Variants in ZNF804B observed in about 807,000 individuals in gnomAD.
The protein encoded by ZNF804B is zinc finger 804B.
Under a neutral mutation model 101.4 loss-of-function variants are expected in ZNF804B, and 80 were observed. The ratio of observed to expected loss-of-function variants is 0.79; its 90% confidence interval spans 0.66 to 0.95. ZNF804B has a LOEUF of 0.95. Ranked by LOEUF, ZNF804B falls within the 40% of genes least tolerant of loss-of-function variation. The pLI is 0.00. For synonymous variants in ZNF804B, 622 were observed against 558.8 expected (o/e 1.11, Z -1.59); for missense variants, 1,673 against 1,561.9 (o/e 1.07, Z -1.20).
intron 1 of ZNF804B, among the ~76,000 whole-genome samples, chr7:88,959,250 G>T (rs1319816594): frequency 6.6e-6 from 1 of 151,390 alleles, no homozygotes; most frequent in African/African-American, 2.4e-5. Flanking sequence ...CCTTACAGGT[G>T]AACTTTGTGA....
intron 1 of ZNF804B, among the ~76,000 whole-genome samples, chr7:88,808,029 A>G (rs1790718916): frequency 6.6e-6 from 1 of 152,176 alleles, no homozygotes; most frequent in African/African-American, 2.4e-5. Context: ...AGTGAACCTC[A>G]AATGACACCA....
At chr7:89,285,065 A>G (rs974161191) in intron 2 of ZNF804B, among the ~76,000 whole-genome samples, 1 of 151,994 alleles carries the variant, frequency 6.6e-6, no homozygotes, top group Non-Finnish European at 1.5e-5. Flanking sequence ...TTAAATTTAA[A>G]AAAAATAGCC....
At chr7:88,987,988 T>C (rs1030357715) in intron 1 of ZNF804B, among the ~76,000 whole-genome samples, 3 of 151,890 alleles carry the variant, frequency 2.0e-5, no homozygotes, top group African/African-American at 7.2e-5. Flanking sequence ...TTCCTTTTCT[T>C]CTCAGCCTCT....
At chr7:89,278,912 A>T (rs1790033271) in intron 2 of ZNF804B, among the ~76,000 whole-genome samples, 1 of 152,042 alleles carries the variant, frequency 6.6e-6, no homozygotes, top group South Asian at 2.1e-4. Flanking sequence ...CTTGATGGGG[A>T]TGGCATTGAA....
chr7:89,219,805 C>T (rs985851217), intron 2 of ZNF804B, among the ~76,000 whole-genome samples: 2 of 150,586 alleles, frequency 1.3e-5, no homozygotes, highest in South Asian at 2.1e-4. Context: ...TTTCGTCAGA[C>T]ATCACTAGCA....
In ZNF804B at chr7:89,336,818, C is replaced by G; in HGVS notation, c.3836C>G (p.Ser1279Cys). The G allele has an allele frequency of 6.2e-7, 1 of 1,614,108 alleles. No individual in the cohort carries two copies. The highest frequency in any genetic ancestry group is 8.5e-7 in the Non-Finnish European group (1 of 1,180,008). The change falls in exon 4 of 4, where the codon TCT becomes TGT. Residue 1279 changes from serine to cysteine, a missense_variant. Physicochemically the swap from Ser to Cys is moderately radical, Grantham distance 112 (BLOSUM62 -1). Coordinates refer to ENST00000333190, the MANE Select transcript of ZNF804B (RefSeq NM_181646.5). ...HLVAATPFHPSHITLQPLPPT... is the reference protein window; with the variant it reads ...HLVAATPFHPCHITLQPLPPT... ...GTAGCTGCTACCCCCTTCCACCCAT[C>G]TCACATAACACTTCAGCCTCTGCCC...
At chr7:88,768,595 G>A (rs1446239633) in intron 1 of ZNF804B, among the ~76,000 whole-genome samples, 1 of 152,150 alleles carries the variant, frequency 6.6e-6, no homozygotes, top group Admixed American at 6.5e-5. Flanking sequence ...GCACGAGCCT[G>A]TAATTCCAGC....
intron 1 of ZNF804B, among the ~76,000 whole-genome samples, chr7:88,810,676 A>T (rs945000937): frequency 1.3e-5 from 2 of 151,960 alleles, no homozygotes; most frequent in Non-Finnish European, 2.9e-5. Context: ...TTTAAAAAAA[A>T]AAAAGCATAA....
chr7:88,976,163 A>G (rs1229850505), intron 1 of ZNF804B, among the ~76,000 whole-genome samples: 1 of 151,436 alleles, frequency 6.6e-6, no homozygotes, highest in Non-Finnish European at 1.5e-5. Context: ...GTTCTGTAGT[A>G]TATTTTGAAG....
At chr7:89,219,071 C>T (rs551349755) in intron 2 of ZNF804B, among the ~76,000 whole-genome samples, 51 of 151,920 alleles carry the variant, frequency 3.4e-4, no homozygotes, top group African/African-American at 1.2e-3. Context: ...GATTTAGAAT[C>T]CTGGACTAGT....
Position 89,172,178 on chromosome 7 carries a change from CAG to C in ZNF804B, c.109-45973_109-45972del, listed in dbSNP as rs548232039. Among the ~76,000 whole-genome samples, 41 of 152,136 alleles carry C rather than the reference CAG, an allele frequency of 2.7e-4. 1 individual carries two copies. In the South Asian group the frequency reaches 7.5e-3, roughly 28 times the overall value. On this transcript the variant is annotated intron_variant, in intron 1 of 3. Coordinates refer to ENST00000333190, the MANE Select transcript of ZNF804B (RefSeq NM_181646.5). ...GACACTCAGAGACCAATTGAAGAAA[CAG>C]AGAACATTCTAGAATATCTGGATGA...
chr7:89,217,624 A>G (rs1248700406), intron 1 of ZNF804B, among the ~76,000 whole-genome samples: 1 of 152,218 alleles, frequency 6.6e-6, no homozygotes, highest in African/African-American at 2.4e-5. Context: ...GAATATTTTG[A>G]AGAACATGGA....
intron 1 of ZNF804B, among the ~76,000 whole-genome samples, chr7:89,113,527 T>C (rs1400327703): frequency 2.6e-5 from 4 of 152,106 alleles, no homozygotes; most frequent in East Asian, 1.9e-4. Context: ...ATAAAAGGAC[T>C]AGGGAGGGTA....
chr7:88,830,342 C>G (rs1319684702), intron 1 of ZNF804B, among the ~76,000 whole-genome samples: 2 of 151,218 alleles, frequency 1.3e-5, no homozygotes, highest in Non-Finnish European at 3.0e-5. Context: ...AGAAATTTAG[C>G]AAAAAAAAGA....
At chr7:89,100,511 A>G (rs185317619) in intron 1 of ZNF804B, among the ~76,000 whole-genome samples, 1 of 152,246 alleles carries the variant, frequency 6.6e-6, no homozygotes, top group Non-Finnish European at 1.5e-5. Context: ...GAAACAATCA[A>G]CAAAGTGAAG....
At chr7:88,868,434 CCT>C (rs1400391101) in intron 1 of ZNF804B, among the ~76,000 whole-genome samples, 5 of 152,106 alleles carry the variant, frequency 3.3e-5, no homozygotes, top group African/African-American at 1.2e-4. Flanking sequence ...AACTGTTATT[CCT>C]TAGTTCTCCA....
Position 88,765,715 on chromosome 7 carries a change from C to T in ZNF804B, c.108+5631C>T, listed in dbSNP as rs140032406. ...TAGTTTTTCATAAAAATTCAAGTAGCCCTTATAAAATGACAGCTGAAAAAG... is the reference window on the plus strand; with the variant it reads ...TAGTTTTTCATAAAAATTCAAGTAGTCCTTATAAAATGACAGCTGAAAAAG... On this transcript the variant is annotated intron_variant, in intron 1 of 3. Coordinates refer to ENST00000333190, the MANE Select transcript of ZNF804B (RefSeq NM_181646.5). 9.4e-3 allele frequency among the ~76,000 whole-genome samples: 1,430 copies of T among 152,090 alleles called. 17 individuals are homozygous for T. The highest frequency in any genetic ancestry group is 0.033 in the African/African-American group (1,349 of 41,476).
At chr7:89,075,386 C>T (rs187635256) in intron 1 of ZNF804B, among the ~76,000 whole-genome samples, 30 of 152,266 alleles carry the variant, frequency 2.0e-4, no homozygotes, top group Admixed American at 1.8e-3. Flanking sequence ...CCACTCCAGC[C>T]ATGACTAAAA....
rs140285789 is a variant in ZNF804B, at chr7:89,070,897, A to T, written c.109-147258A>T. Among the ~76,000 whole-genome samples, 1,310 of 152,170 alleles carry T rather than the reference A, an allele frequency of 8.6e-3. 7 individuals carry two copies. Among genetic ancestry groups the T allele is most frequent in the Non-Finnish European group, 0.014 (942 of 68,004 alleles). On this transcript the variant is annotated intron_variant, in intron 1 of 3. Transcript: ENST00000333190. ...TAATGGCATTTCTCCATTCCTAGTT[A>T]TCAAGATTTCAAAATATAGTCATCC... is the stretch of plus-strand genomic sequence containing the variant.
Sources: allele counts gnomAD v4.1 joint callset (sites outside exome capture counted in the v4.1 genomes callset), GRCh38; gene constraint gnomAD v4.1.1; transcripts MANE v1.5; gene names NCBI Gene and HGNC (gene_info 2026-07-23, HGNC 2026-07-21).